Variants in BCR observed in about 807,000 individuals in gnomAD.
The protein encoded by BCR is BCR activator of RhoGEF and GTPase.
BCR carries 58 observed loss-of-function variants against 138.6 expected under a neutral mutation model. The observed-to-expected ratio is 0.42, with a 90% confidence interval of 0.34 to 0.52. The LOEUF is 0.52. Ranked by LOEUF, BCR falls within the 20% of genes least tolerant of loss-of-function variation. BCR has a pLI of 0.06. For synonymous variants in BCR, 786 were observed against 730.1 expected, an observed-to-expected ratio of 1.08 and a Z score of -1.23; for missense variants, 1,599 against 1,727.2, an observed-to-expected ratio of 0.93 and a Z score of 1.32.
chr22:23,189,513 C>T (rs1329616871), intron 1 of BCR, among the ~76,000 whole-genome samples: 1 of 151,872 alleles, frequency 6.6e-6, no homozygotes, highest in Non-Finnish European at 1.5e-5. Context: ...TCTTTCTTTT[C>T]TTGAGACGGA....
chr22:23,218,194 C>T (rs1557496), intron 1 of BCR, among the ~76,000 whole-genome samples: 79,653 of 152,036 alleles, frequency 0.52, 21,074 homozygotes, highest in East Asian at 0.71. Flanking sequence ...TCAGGCCCTG[C>T]CAGTGCCCTG....
intron 1 of BCR, among the ~76,000 whole-genome samples, chr22:23,200,661 C>T (rs538805505): frequency 2.6e-5 from 4 of 152,146 alleles, no homozygotes; most frequent in Admixed American, 1.3e-4. Flanking sequence ...CAGGCTCAGG[C>T]GATTCTCCCA....
At chr22:23,213,465 G>A (rs546944528) in intron 1 of BCR, among the ~76,000 whole-genome samples, 69 of 152,324 alleles carry the variant, frequency 4.5e-4, no homozygotes, top group African/African-American at 1.3e-3. Flanking sequence ...TGTGCACTGA[G>A]CATGTCATTC....
At chr22:23,187,875 T>G (rs773754961) in intron 1 of BCR, among the ~76,000 whole-genome samples, 1 of 152,228 alleles carries the variant, frequency 6.6e-6, no homozygotes, top group African/African-American at 2.4e-5. Flanking sequence ...GGGACAGATC[T>G]TGTGTTTCTT....
At position 23,292,601 on chromosome 22, in the gene BCR, G is replaced by A. The variant is rs768044777; in HGVS notation, c.2843G>A (p.Arg948His). 5.6e-6 allele frequency: 9 copies of A among 1,613,382 alleles called. No homozygotes were observed. The highest frequency in any genetic ancestry group is 2.2e-5 in the East Asian group (1 of 44,838). Residue 948 changes from arginine to histidine, a missense_variant, in exon 15 of 23, where the codon CGC (arginine) becomes CAC (histidine). This residue lies in a region of BCR where 590 missense variants were observed against 762.4 expected (regional missense o/e 0.77). Transcript: ENST00000305877. ...TATTTTGTGAATAAAGCAAAGACGC[G>A]CGTCTACAGGGACACAGCTGAGCCA... The part of the protein sequence containing the change: ...FGYFVNKAKT[R>H]VYRDTAEPNW...
At chr22:23,233,796 AAAAAAAAG>A (rs1027859554) in intron 1 of BCR, among the ~76,000 whole-genome samples, 22 of 93,618 alleles carry the variant, frequency 2.3e-4, no homozygotes, top group African/African-American at 1.0e-3. Context: ...TCTCAAAAAA[AAAAAAAAG>A]AAAAAAAAGA....
intron 1 of BCR, among the ~76,000 whole-genome samples, chr22:23,253,172 A>C (rs1175435212): frequency 6.6e-6 from 1 of 152,208 alleles, no homozygotes; most frequent in Non-Finnish European, 1.5e-5. Flanking sequence ...GGTCTGTGGG[A>C]AGGGGTGCAG....
intron 11 of BCR, 123 bp from the exon 12 acceptor site, chr22:23,287,974 C>T (rs1568974708): frequency 4.4e-6 from 4 of 917,658 alleles, no homozygotes; most frequent in African/African-American, 1.6e-5. Flanking sequence ...CGTGAGCACA[C>T]CTGGCCACTG....
Position 23,315,741 on chromosome 22 carries a change from A to C in BCR, c.*219A>C. The C allele has an allele frequency of 6.2e-6, 4 of 641,054 alleles. No homozygotes were observed. The highest frequency in any genetic ancestry group is 3.1e-5 in the South Asian group (2 of 64,870). 39.7% of individuals were successfully genotyped at this position (641,054 alleles called of 1,614,324 possible). ...GGCTGGCCTCAGACTGTGGTTTTTTATGTGGCCACCTGAGGGCGCCCCAAG... is the reference window on the plus strand; with the variant it reads ...GGCTGGCCTCAGACTGTGGTTTTTTCTGTGGCCACCTGAGGGCGCCCCAAG... On this transcript the variant is annotated 3_prime_UTR_variant, in exon 23 of 23. Coordinates refer to ENST00000305877, the MANE Select transcript of BCR (RefSeq NM_004327.4).
Position 23,261,355 on chromosome 22 carries a change from C to T in BCR, c.1567C>T (p.Pro523Ser). The T allele has an allele frequency of 1.2e-6, 2 of 1,611,394 alleles. No homozygotes were observed. The highest frequency in any genetic ancestry group is 1.7e-6 in the Non-Finnish European group (2 of 1,178,580). The change falls in exon 4 of 23, where the codon CCC (proline) becomes TCC (serine). Residue 523 changes from proline (P) to serine (S), a missense_variant and splice_region_variant. Physicochemically the swap from Pro to Ser is moderately conservative, Grantham distance 74. Around this residue, in one of 4 missense-constraint regions of BCR, gnomAD observed 590 missense variants for 762.4 expected, o/e 0.77. Coordinates refer to ENST00000305877, the MANE Select transcript of BCR (RefSeq NM_004327.4). ...CTACCTCACTTGTGCCCTCTTCCAGCCCATGAAGCCTTTGAAAGCCGCTGC... is the reference window on the plus strand; with the variant it reads ...CTACCTCACTTGTGCCCTCTTCCAGTCCATGAAGCCTTTGAAAGCCGCTGC... Reference protein sequence around the residue: ...YLSHLEALLLPMKPLKAAATT... With the variant: ...YLSHLEALLLSMKPLKAAATT...
At chr22:23,297,509 C>T (rs571738853) in intron 16 of BCR, among the ~76,000 whole-genome samples, 1 of 152,244 alleles carries the variant, frequency 6.6e-6, no homozygotes, top group South Asian at 2.1e-4. Flanking sequence ...GAGCAGACTG[C>T]AAAGCCAGTC....
intron 1 of BCR, among the ~76,000 whole-genome samples, chr22:23,251,422 A>G (rs1012158851): frequency 6.6e-6 from 1 of 152,290 alleles, no homozygotes; most frequent in South Asian, 2.1e-4. Context: ...GGCTGAGGAC[A>G]CCTGTTAGAG....
chr22:23,301,534 C>T lies in BCR; in HGVS notation c.3012+6379C>T, dbSNP rs186584230. Among the ~76,000 whole-genome samples, 79 of 152,360 alleles carry T rather than the reference C, an allele frequency of 5.2e-4. No individual in the cohort carries two copies. In the East Asian group the frequency reaches 0.015, roughly 28 times the overall value. ...AATCTTGGATGGATGTTGATGCCTT[C>T]ACCTTGAAAAATCCCTCCCTGAAGA... On this transcript the variant is annotated intron_variant, in intron 16 of 22. Transcript: ENST00000305877.
At chr22:23,265,511 A>T (rs1367356656) in intron 4 of BCR, among the ~76,000 whole-genome samples, 1 of 152,252 alleles carries the variant, frequency 6.6e-6, no homozygotes, top group African/African-American at 2.4e-5. Context: ...ATCCACGTCC[A>T]GTGGTTCAGA....
intron 16 of BCR, among the ~76,000 whole-genome samples, chr22:23,298,618 C>T (rs191549595): frequency 1.3e-5 from 2 of 151,638 alleles, no homozygotes; most frequent in Non-Finnish European, 2.9e-5. Flanking sequence ...CCTTCTTCTT[C>T]GGAGTCTCAC....
rs1388472733 is a variant in BCR, at chr22:23,315,628, C to T, written c.*106C>T. ...TCCTGAGGTGTCCTTGGGCCACCCC[C>T]AAGTGTTGGGCCATCTGCCAAGAGA... On this transcript the variant is annotated 3_prime_UTR_variant, in exon 23 of 23. Transcript: ENST00000305877. The T allele has an allele frequency of 2.9e-5, 31 of 1,061,400 alleles. No individual in the cohort carries two copies. Among genetic ancestry groups the T allele is most frequent in the Non-Finnish European group, 4.3e-5 (30 of 697,156 alleles). The allele number at this position is 1,061,400 out of a possible 1,614,324, so 65.7% of individuals were successfully genotyped here.
At chr22:23,263,307 C>A in intron 4 of BCR, 1 of 1,156,004 alleles carries the variant, frequency 8.7e-7, no homozygotes, top group South Asian at 1.3e-5. Context: ...CTGGCTGTGG[C>A]ACTTCACCAA....
intron 13 of BCR, chr22:23,290,000 A>C (rs1044623079): frequency 1.8e-5 from 9 of 504,794 alleles, no homozygotes; most frequent in African/African-American, 1.7e-4. Context: ...TCACTGTTGC[A>C]CATATGCTCA....
intron 16 of BCR, among the ~76,000 whole-genome samples, chr22:23,305,939 CTT>C (rs1231579723): frequency 1.3e-5 from 2 of 152,214 alleles, no homozygotes; most frequent in Non-Finnish European, 2.9e-5. Context: ...AAACCCCAGT[CTT>C]TTGCTTGTTT....
Sources: gnomAD v4.1 joint callset for allele counts (sites outside exome capture counted in the v4.1 genomes callset) on GRCh38, gnomAD v4.1.1 for gene constraint, gnomAD v4.1.1 regional missense constraint, MANE v1.5 for transcripts, NCBI Gene and HGNC (gene_info 2026-07-23, HGNC 2026-07-21) for gene names.